The following IL1RAPL2 variants were observed in gnomAD, a reference collection of about 807,000 sequenced individuals.
The protein encoded by IL1RAPL2 is X-linked interleukin-1 receptor accessory protein-like 2.
A neutral mutation model predicts 44.1 loss-of-function variants in IL1RAPL2; 3 were observed. That is an observed-to-expected ratio of 0.07 (90% CI 0.03 to 0.18). The LOEUF (loss-of-function observed/expected upper bound fraction) is 0.18. Ranked by LOEUF, IL1RAPL2 falls within the 10% of genes least tolerant of loss-of-function variation. The probability of loss-of-function intolerance (pLI) is 1.00; values close to 1 mark genes in which losing one functional copy is unlikely to be tolerated. For missense variants in IL1RAPL2, 391 were observed against 496.4 expected, an observed-to-expected ratio of 0.79 and a Z score of 2.02; for synonymous variants, 181 against 178.8, an observed-to-expected ratio of 1.01 and a Z score of -0.10.
chrX:104,567,639 G>T (rs757313874), intron 1 of IL1RAPL2, among the ~76,000 whole-genome samples: 193 of 112,214 alleles, frequency 1.7e-3, no homozygotes, highest in Non-Finnish European at 3.1e-3. Context: ...TCCTCTTCCC[G>T]CAAGAATCCC....
chrX:105,332,825 C>T (rs770429284), intron 5 of IL1RAPL2, among the ~76,000 whole-genome samples: 118 of 110,930 alleles, frequency 1.1e-3, no homozygotes, highest in African/African-American at 3.7e-3. Context: ...AGAAGTTCTC[C>T]GTAATGAAAA....
chrX:105,055,537 CA>C (rs1158908301), intron 2 of IL1RAPL2, among the ~76,000 whole-genome samples: 2 of 111,234 alleles, frequency 1.8e-5, no homozygotes, highest in Non-Finnish European at 3.8e-5. Context: ...TTTTGATTGG[CA>C]AAAAATAAAA....
intron 2 of IL1RAPL2, among the ~76,000 whole-genome samples, chrX:104,778,291 AAG>A (rs1932751234): frequency 9.0e-6 from 1 of 111,689 alleles, no homozygotes; most frequent in African/African-American, 3.2e-5. Flanking sequence ...ATGCAATGAA[AAG>A]AGAGAAAAGT....
intron 2 of IL1RAPL2, among the ~76,000 whole-genome samples, chrX:104,668,763 A>G (rs1930535964): frequency 2.8e-5 from 3 of 108,811 alleles, no homozygotes. Context: ...TTCCTTCTGC[A>G]TCTCTGAAGT....
intron 2 of IL1RAPL2, among the ~76,000 whole-genome samples, chrX:104,741,725 G>A (rs868342226): frequency 4.1e-4 from 46 of 110,965 alleles, no homozygotes; most frequent in African/African-American, 1.4e-3. Context: ...CAGCACTGAG[G>A]ATCAGTGAAA....
At chrX:104,658,700 T>G (rs1327409087) in intron 1 of IL1RAPL2, among the ~76,000 whole-genome samples, 195 bp from the exon 2 acceptor site, 1 of 112,283 alleles carries the variant, frequency 8.9e-6, no homozygotes, top group African/African-American at 3.2e-5. Flanking sequence ...CACTGAAAAG[T>G]TTTAAGCAGG....
intron 1 of IL1RAPL2, among the ~76,000 whole-genome samples, chrX:104,605,573 C>G (rs1450343932): frequency 2.7e-5 from 3 of 110,874 alleles, no homozygotes; most frequent in East Asian, 2.8e-4. Flanking sequence ...GACTGCTAGC[C>G]AGACTAATAA....
At chrX:105,462,838 A>G (rs1372093943) in intron 5 of IL1RAPL2, among the ~76,000 whole-genome samples, 4 of 110,683 alleles carry the variant, frequency 3.6e-5, no homozygotes, top group African/African-American at 6.6e-5. Flanking sequence ...CCCAGCACAC[A>G]TGGTCTTTTG....
intron 5 of IL1RAPL2, among the ~76,000 whole-genome samples, chrX:105,470,414 A>G (rs980133579): frequency 2.5e-4 from 28 of 111,915 alleles, no homozygotes; most frequent in African/African-American, 7.5e-4. Flanking sequence ...TCTAGCTCAG[A>G]GCTCAGAGAT....
At chrX:105,185,108 GAC>G (rs1447616871) in intron 2 of IL1RAPL2, among the ~76,000 whole-genome samples, 1 of 111,344 alleles carries the variant, frequency 9.0e-6, no homozygotes, top group East Asian at 2.8e-4. Context: ...TCCCTTGTAA[GAC>G]AAGCTTTTAG....
chrX:104,730,369 C>CG (rs1461436565), intron 2 of IL1RAPL2, among the ~76,000 whole-genome samples: 2 of 65,355 alleles, frequency 3.1e-5, no homozygotes, highest in Non-Finnish European at 6.4e-5. Context: ...GCTATCCCTC[C>CG]CCTCCCCCCC....
At chrX:104,655,558 T>C (rs1479030320) in intron 1 of IL1RAPL2, among the ~76,000 whole-genome samples, 1 of 111,935 alleles carries the variant, frequency 8.9e-6, no homozygotes, top group Non-Finnish European at 1.9e-5. Context: ...TGATGTGCTG[T>C]TGGATTCAGT....
chrX:104,831,217 T>TA (rs761666374), intron 2 of IL1RAPL2, among the ~76,000 whole-genome samples: 14 of 111,869 alleles, frequency 1.3e-4, no homozygotes, highest in Admixed American at 1.9e-4. Flanking sequence ...TTGGTTTGAT[T>TA]AATAGCCTTT....
chrX:105,040,920 G>C lies in IL1RAPL2; in HGVS notation c.83-154555G>C, dbSNP rs1278018579. ...TTTAGTTATTTCTTGCCTTCTGCTA[G>C]CTTTTGAATGTGTTTGCTCTTGCTT... On this transcript the variant is annotated intron_variant, in intron 2 of 10. Coordinates refer to ENST00000372582, the MANE Select transcript of IL1RAPL2 (RefSeq NM_017416.2). Among the ~76,000 whole-genome samples the C allele has an allele frequency of 3.0e-5, 3 of 99,507 alleles. No individual in the cohort carries two copies. In the East Asian group the frequency reaches 9.2e-4, roughly 30 times the overall value. 86.4% of individuals were successfully genotyped at this position (99,507 alleles called of 115,157 possible). A position where few individuals can be genotyped will look rare whatever the true frequency, so the allele number is the denominator to read the frequency against.
chrX:104,712,677 A>G (rs1401466592), intron 2 of IL1RAPL2, among the ~76,000 whole-genome samples: 1 of 110,890 alleles, frequency 9.0e-6, no homozygotes, highest in African/African-American at 3.3e-5. Context: ...AACATTTAAA[A>G]CATTAATATC....
At chrX:104,801,449 TTTTTG>T (rs1185465072) in intron 2 of IL1RAPL2, among the ~76,000 whole-genome samples, 1 of 111,698 alleles carries the variant, frequency 9.0e-6, no homozygotes, top group African/African-American at 3.3e-5. Context: ...TGTTGTTTTT[TTTTTG>T]TTTGTTTTGC....
intron 2 of IL1RAPL2, among the ~76,000 whole-genome samples, chrX:105,094,576 T>C (rs1226273451): frequency 9.0e-6 from 1 of 111,693 alleles, no homozygotes; most frequent in East Asian, 2.8e-4. Flanking sequence ...TATTGCACTG[T>C]TCTGATTACT....
intron 3 of IL1RAPL2, among the ~76,000 whole-genome samples, chrX:105,217,459 G>A (rs2033874264): frequency 8.9e-6 from 1 of 111,799 alleles, no homozygotes; most frequent in Non-Finnish European, 1.9e-5. Context: ...AACAGGTGCT[G>A]GAGAGGATGT....
intron 2 of IL1RAPL2, among the ~76,000 whole-genome samples, chrX:104,946,549 A>C: frequency 6.1e-5 from 5 of 81,911 alleles, no homozygotes; most frequent in East Asian, 4.6e-4. Context: ...ATATCTCCCA[A>C]TGCTATCCCT....
Sources: gnomAD v4.1 joint callset for allele counts (sites outside exome capture counted in the v4.1 genomes callset) on GRCh38, gnomAD v4.1.1 for gene constraint, MANE v1.5 for transcripts, NCBI Gene and HGNC (gene_info 2026-07-23, HGNC 2026-07-21) for gene names.